SV2C: variants seen among roughly 807,000 people sequenced by gnomAD.
The protein encoded by SV2C is synaptic vesicle glycoprotein 2C, also known as solute carrier family 22 member B3.
SV2C carries 49 observed loss-of-function variants against 79.7 expected under a neutral mutation model. The observed-to-expected ratio is 0.61, with a 90% CI of 0.49 to 0.78. SV2C has a LOEUF of 0.78. SV2C is among the 30% of genes least tolerant of loss of function. SV2C has a pLI of 0.00. For synonymous variants in SV2C, 334 were observed against 333.2 expected, an observed-to-expected ratio of 1.00 and a Z score of -0.03; for missense variants, 833 against 912.9, an observed-to-expected ratio of 0.91 and a Z score of 1.13.
chr5:75,901,204 A>T, the SV2C span, among the ~76,000 whole-genome samples: 1 of 151,790 alleles, frequency 6.6e-6, no homozygotes, highest in East Asian at 1.9e-4. Flanking sequence ...TTTTTTCCCC[A>T]TCTTTGTGGT....
At chr5:76,315,499 G>A (rs956151438) in intron 12 of SV2C, among the ~76,000 whole-genome samples, 2 of 152,144 alleles carry the variant, frequency 1.3e-5, no homozygotes, top group African/African-American at 4.8e-5. Context: ...CCTGAGAAGA[G>A]GTGGTGCTGA....
At chr5:75,953,719 T>C in the SV2C span, among the ~76,000 whole-genome samples, 1 of 152,014 alleles carries the variant, frequency 6.6e-6, no homozygotes, top group South Asian at 2.1e-4. Context: ...TTAAGTGGGA[T>C]AAATCTGAGT....
chr5:76,010,408 C>T, the SV2C span, among the ~76,000 whole-genome samples: 2 of 152,058 alleles, frequency 1.3e-5, no homozygotes, highest in East Asian at 1.9e-4. Context: ...GGTTAATGTG[C>T]GTGTTCAAGG....
At position 76,332,623 on chromosome 5, in the gene SV2C, A is replaced by G. The variant is rs1749217529; in HGVS notation, c.*7076A>G. On this transcript the variant is annotated 3_prime_UTR_variant, in exon 13 of 13. Coordinates refer to ENST00000502798, the MANE Select transcript of SV2C (RefSeq NM_014979.4). ...TATGGTAGAAATACTGTATACAGGT[A>G]TACTACTACACACACCTTCCCAAGT... 1 of 152,168 alleles carries G rather than the reference A, an allele frequency of 6.6e-6. No homozygotes were observed. Among genetic ancestry groups the G allele is most frequent in the African/African-American group, 2.4e-5 (1 of 41,422 alleles). The allele number at this position is 152,168 out of a possible 1,614,324, so 9.4% of individuals were successfully genotyped here. A position where few individuals can be genotyped will look rare whatever the true frequency, so the allele number is the denominator to read the frequency against.
chr5:76,052,761 C>T, the SV2C span, among the ~76,000 whole-genome samples: 1 of 152,186 alleles, frequency 6.6e-6, no homozygotes, highest in African/African-American at 2.4e-5. Context: ...CTTTTGAAAT[C>T]TACTTTCTTT....
At chr5:76,171,682 G>A (rs1229298828) in intron 2 of SV2C, among the ~76,000 whole-genome samples, 13 of 135,364 alleles carry the variant, frequency 9.6e-5, no homozygotes, top group South Asian at 7.3e-4. Context: ...CCCCCCGCCC[G>A]GCCAGCCGTG....
intron 2 of SV2C, among the ~76,000 whole-genome samples, chr5:76,181,034 C>A (rs933205154): frequency 8.5e-5 from 13 of 152,172 alleles, no homozygotes; most frequent in African/African-American, 2.9e-4. Context: ...TGCCACCTCC[C>A]AAGTATGTTT....
chr5:76,151,407 A>C (rs62361382), intron 2 of SV2C, among the ~76,000 whole-genome samples: 52,020 of 152,040 alleles, frequency 0.34, 10,573 homozygotes, highest in Non-Finnish European at 0.47. Context: ...TGTGAGCAGC[A>C]GAAGAGTGAC....
chr5:76,224,537 C>A (rs937174125), intron 4 of SV2C, among the ~76,000 whole-genome samples: 1 of 152,144 alleles, frequency 6.6e-6, no homozygotes, highest in Non-Finnish European at 1.5e-5. Flanking sequence ...ACATAAAAAT[C>A]GCCATCATTT....
chr5:75,978,769 G>A, the SV2C span, among the ~76,000 whole-genome samples: 2 of 152,160 alleles, frequency 1.3e-5, no homozygotes, highest in Non-Finnish European at 2.9e-5. Flanking sequence ...CAAGTAAAGA[G>A]GGTCTGACCC....
At chr5:75,982,458 A>T in the SV2C span, among the ~76,000 whole-genome samples, 3 of 152,282 alleles carry the variant, frequency 2.0e-5, no homozygotes, top group East Asian at 5.8e-4. Flanking sequence ...AAAAGTCAAA[A>T]CACAACAGAT....
the SV2C span, among the ~76,000 whole-genome samples, chr5:76,050,221 A>G: frequency 6.6e-6 from 1 of 152,230 alleles, no homozygotes; most frequent in African/African-American, 2.4e-5. Context: ...TATTTAATTA[A>G]TATTCATGAA....
chr5:76,149,454 G>A (rs769594908), intron 2 of SV2C, among the ~76,000 whole-genome samples: 9 of 152,182 alleles, frequency 5.9e-5, no homozygotes, highest in African/African-American at 7.2e-5. Flanking sequence ...GAGGCTGCTG[G>A]TTGTGAATCC....
the SV2C span, among the ~76,000 whole-genome samples, chr5:75,967,591 G>T: frequency 2.0e-5 from 3 of 152,150 alleles, no homozygotes; most frequent in African/African-American, 7.2e-5. Flanking sequence ...AGCAGTCTGA[G>T]ATCAAGCTGC....
the SV2C span, among the ~76,000 whole-genome samples, chr5:76,020,424 A>C: frequency 6.6e-6 from 1 of 152,134 alleles, no homozygotes; most frequent in Admixed American, 6.6e-5. Context: ...GTGCTCTACT[A>C]TTGTAGAGAA....
At chr5:76,270,424 A>G (rs1213191390) in intron 4 of SV2C, among the ~76,000 whole-genome samples, 1 of 152,188 alleles carries the variant, frequency 6.6e-6, no homozygotes, top group African/African-American at 2.4e-5. Flanking sequence ...AGCCCAGGGG[A>G]GGAAAAACAA....
the SV2C span, among the ~76,000 whole-genome samples, chr5:75,876,530 A>G: frequency 6.6e-6 from 1 of 152,122 alleles, no homozygotes; most frequent in Non-Finnish European, 1.5e-5. Context: ...ACATGTGTTT[A>G]CCTACGTAAC....
the SV2C span, among the ~76,000 whole-genome samples, chr5:76,000,704 C>T: frequency 3.3e-5 from 5 of 152,180 alleles, no homozygotes; most frequent in African/African-American, 1.2e-4. Flanking sequence ...TACCACATCA[C>T]ATCCAGAGAG....
intron 12 of SV2C, chr5:76,311,085 G>C (rs1748420607): frequency 6.6e-6 from 1 of 152,254 alleles, no homozygotes; most frequent in South Asian, 2.1e-4. Context: ...ACATTCATTG[G>C]ACTGACTTGC....
Sources: allele counts gnomAD v4.1 joint callset (sites outside exome capture counted in the v4.1 genomes callset), GRCh38; gene constraint gnomAD v4.1.1; transcripts MANE v1.5; gene names NCBI Gene and HGNC (gene_info 2026-07-23, HGNC 2026-07-21).